The following MYL5 variants were observed in gnomAD, a reference collection of about 807,000 sequenced individuals.
The protein encoded by MYL5 is myosin light chain 5, also known as myosin regulatory light chain 5.
MYL5 carries 28 observed loss-of-function variants against 20.8 expected under a neutral mutation model. The observed-to-expected ratio is 1.35, with a 90% CI of 1.00 to 1.84. MYL5 has a LOEUF of 1.84. Ranked by LOEUF, MYL5 falls within the 40% of genes most tolerant of loss-of-function variation. The pLI is 0.00. For synonymous variants in MYL5, 118 were observed against 87.4 expected (o/e 1.35, Z -1.95); for missense variants, 274 against 227.3 (o/e 1.21, Z -1.32).
intron 3 of MYL5, 139 bp from the exon 6 acceptor site, chr4:679,775 C>A (rs943108896): frequency 8.1e-5 from 55 of 678,166 alleles, no homozygotes; most frequent in Admixed American, 1.4e-4. Context: ...CACTGCCCCA[C>A]GTGCCTGGGC....
chr4:678,167 T>A (rs1430913569), intron 1 of MYL5, 138 bp downstream of exon 3: 3 of 1,542,170 alleles, frequency 1.9e-6, no homozygotes, highest in Non-Finnish European at 2.6e-6. Flanking sequence ...TCTGCCTGCA[T>A]ATGTGTGTGC....
chr4:681,106 T>C (rs1739441142), exon 6 of MYL5: 2 of 1,605,728 alleles, frequency 1.2e-6, no homozygotes, highest in Non-Finnish European at 1.7e-6. Context: ...AAGCGTCTGC[T>C]GATGTCCCAG....
chr4:680,999 G>A (rs568509248), intron 5 of MYL5, 93 bp from the exon 8 acceptor site: 23 of 1,417,274 alleles, frequency 1.6e-5, no homozygotes, highest in Middle Eastern at 3.7e-4. Flanking sequence ...CAGTGAGCGA[G>A]TACAACCTGG....
chr4:678,292 T>C, intron 1 of MYL5: 10 of 1,429,708 alleles, frequency 7.0e-6, no homozygotes, highest in Middle Eastern at 2.6e-4. Flanking sequence ...GATGAGGGGG[T>C]TCCTGGCTTT....
Position 681,013 on chromosome 4 carries a change from CCCTGGAGCA to C in MYL5, c.372-74_372-66del, listed in dbSNP as rs1471793514. ...GCAGTGAGCGAGTACAACCTGGGGC[CCCTGGAGCA>C]CCTGAGCCCCACCGAGAAGGCTCCT... is the stretch of plus-strand genomic sequence containing the variant. On this transcript the variant is annotated intron_variant, in intron 5 of 6. Coordinates refer to ENST00000400159, the Ensembl canonical transcript of MYL5. 2.0e-6 allele frequency: 3 copies of C among 1,493,418 alleles called. No individual in the cohort carries two copies. The Admixed American group carries it at 5.9e-5, about 29-fold the overall frequency. The allele number at this position is 1,493,418 out of a possible 1,614,324, so 92.5% of individuals were successfully genotyped here. A position where few individuals can be genotyped will look rare whatever the true frequency, so the allele number is the denominator to read the frequency against.
chr4:677,599 G>A (rs1738977526), upstream of MYL5, among the ~76,000 whole-genome samples: 1 of 152,226 alleles, frequency 6.6e-6, no homozygotes, highest in East Asian at 1.9e-4. Flanking sequence ...GAAGCCCGGT[G>A]ACCAGCTGCA....
upstream of MYL5, chr4:674,542 C>CTTTCCCCGCAGGGCTGGGGGTCCGCTG: frequency 2.0e-6 from 1 of 492,868 alleles, no homozygotes; most frequent in South Asian, 2.4e-5. Flanking sequence ...GGGGGGTTTC[C>CTTTCCCCGCAGGGCTGGGGGTCCGCTG]TTTCCCCGCA....
chr4:678,620 C>G (rs1177072535), intron 1 of MYL5, 38 bp from the exon 4 acceptor site: 2 of 1,575,990 alleles, frequency 1.3e-6, no homozygotes. Flanking sequence ...GTTTCGTCAG[C>G]CAGCCCAGGA....
At chr4:679,961 G>A in exon 4 of MYL5, 3 of 1,613,726 alleles carry the variant, frequency 1.9e-6, no homozygotes, top group Non-Finnish European at 2.5e-6. Context: ...GCTCAAAGAG[G>A]CCTCGGGGCC....
rs1014628218 is a variant in MYL5 at position 678,947 on chromosome 4, T to C, written c.112-11T>C. The stretch of plus-strand genomic sequence containing the variant: ...GGTTGGCAGCACAGCAGCCCTGACC[T>C]TGGTCCCCAGGCATTCACACTCATG... On this transcript the variant is annotated splice_polypyrimidine_tract_variant and intron_variant, in intron 2 of 6. Coordinates refer to ENST00000400159, the Ensembl canonical transcript of MYL5. The C allele has an allele frequency of 4.3e-6, 7 of 1,613,564 alleles. No individual in the cohort carries two copies. The East Asian group carries it at 1.6e-4, about 36-fold the overall frequency.
chr4:681,734 AGCGCCGCCCCGCCCCCTCCAGCGCCG>A (rs1739668278), intron 6 of MYL5, 133 bp from the exon 9 acceptor site: 1 of 512,042 alleles, frequency 2.0e-6, no homozygotes, highest in African/African-American at 3.2e-5. Context: ...CGCCCCCTCC[AGCGCCGCCCCGCCCCCTCCAGCGCCG>A]CCCTCACCCC....
chr4:676,764 G>T, upstream of MYL5: 1 of 416,954 alleles, frequency 2.4e-6, no homozygotes, highest in Non-Finnish European at 3.2e-6. Flanking sequence ...TGGACTGGCA[G>T]CAGGGGATGC....
intron 3 of MYL5, 176 bp downstream of exon 5, chr4:679,209 T>G: frequency 5.6e-6 from 4 of 714,234 alleles, no homozygotes; most frequent in Non-Finnish European, 7.5e-6. Context: ...CCATCAGAGC[T>G]GGCAGAGAGC....
exon 1 of MYL5, chr4:677,960 A>G: frequency 2.5e-6 from 4 of 1,612,912 alleles, no homozygotes; most frequent in Non-Finnish European, 3.4e-6. Context: ...TGGGGGACCA[A>G]GCAGGAGCTT....
chr4:676,119 A>T (rs1344333840), upstream of MYL5: 1 of 152,208 alleles, frequency 6.6e-6, no homozygotes, highest in African/African-American at 2.4e-5. Flanking sequence ...CTGCTCGCTG[A>T]GGAAGCCGCA....
chr4:680,434 C>T, intron 4 of MYL5, 75 bp from the exon 7 acceptor site: 1 of 1,448,970 alleles, frequency 6.9e-7, no homozygotes. Flanking sequence ...AGGGGTCTCC[C>T]CTCCTGCCAT....
upstream of MYL5, chr4:677,861 T>C: frequency 8.5e-7 from 1 of 1,179,852 alleles, no homozygotes; most frequent in Admixed American, 1.8e-5. Flanking sequence ...ACTGCCAGGC[T>C]GCCAAAGCTC....
upstream of MYL5, chr4:676,799 G>A: frequency 2.4e-6 from 2 of 834,774 alleles, no homozygotes; most frequent in Non-Finnish European, 2.9e-6. Context: ...CCAGCCCCAG[G>A]GTTCCACATC....
At chr4:679,922 A>G (rs1553822423) in exon 4 of MYL5, 7 of 1,613,698 alleles carry the variant, frequency 4.3e-6, no homozygotes, top group African/African-American at 1.3e-5. Context: ...AGGCAAGACC[A>G]ACGTCAAGGA....
Sources: allele counts gnomAD v4.1 joint callset (sites outside exome capture counted in the v4.1 genomes callset), GRCh38; gene constraint gnomAD v4.1.1; transcripts MANE v1.5; gene names NCBI Gene and HGNC (gene_info 2026-07-23, HGNC 2026-07-21).